Variants in CERS3 observed in about 807,000 individuals in gnomAD.
CERS3 encodes the protein ceramide synthase 3.
Under a neutral mutation model 50.3 loss-of-function variants are expected in CERS3, and 33 were observed. The observed-to-expected ratio is 0.66, with a 90% CI of 0.50 to 0.88. The LOEUF (loss-of-function observed/expected upper bound fraction) is 0.88, where lower values mean the gene tolerates loss of function less well. CERS3 is among the 40% of genes least tolerant of loss of function. The probability of loss-of-function intolerance (pLI) is 0.00; values close to 1 mark genes in which losing one functional copy is unlikely to be tolerated. For synonymous variants in CERS3, 176 were observed against 155.2 expected (o/e 1.13, Z -0.99); for missense variants, 470 against 460.3 (o/e 1.02, Z -0.19).
intron 11 of CERS3, among the ~76,000 whole-genome samples, chr15:100,425,726 G>C (rs1252182169): frequency 6.6e-6 from 1 of 152,092 alleles, no homozygotes; most frequent in East Asian, 1.9e-4. Flanking sequence ...TTTTGAGATG[G>C]GATAATTGTA....
chr15:100,479,887 C>G, intron 6 of CERS3, 102 bp downstream of exon 6: 1 of 814,928 alleles, frequency 1.2e-6, no homozygotes, highest in East Asian at 2.6e-5. Context: ...ATCTCTAAAA[C>G]TGGTTATCTT....
chr15:100,486,313 T>C (rs1159174736), intron 4 of CERS3, among the ~76,000 whole-genome samples: 4 of 152,148 alleles, frequency 2.6e-5, no homozygotes, highest in African/African-American at 9.7e-5. Context: ...TCGGATATGG[T>C]AGGAAGGGCA....
chr15:100,455,789 G>T (rs1468603796), intron 11 of CERS3, 104 bp downstream of exon 11: 3 of 787,472 alleles, frequency 3.8e-6, no homozygotes, highest in Non-Finnish European at 5.4e-6. Context: ...CAAGAAAAAA[G>T]AATTCTGGTT....
At chr15:100,499,730 C>T (rs994780517) in intron 3 of CERS3, among the ~76,000 whole-genome samples, 8 of 152,160 alleles carry the variant, frequency 5.3e-5, no homozygotes, top group African/African-American at 1.9e-4. Flanking sequence ...ATAGTTCAGA[C>T]ATTTTTATGT....
chr15:100,490,862 A>G lies in CERS3; in HGVS notation c.243T>C (p.Thr81=), dbSNP rs2035628859. Residue 81 remains threonine, a synonymous_variant, in exon 4 of 12, where the codon ACT becomes ACC. Coordinates refer to ENST00000679737, the MANE Select transcript of CERS3 (RefSeq NM_001378789.1). Reference sequence around the variant, plus strand: ...AATGTTTGAAAAAATTCTCTAAGACAGTATTTGGTGTAACCTTTCGAACTG... The same window carrying G: ...AATGTTTGAAAAAATTCTCTAAGACGGTATTTGGTGTAACCTTTCGAACTG... The part of the protein sequence containing the change: ...KETVRKVTPN[T]VLENFFKHST... The G allele has an allele frequency of 2.5e-6, 4 of 1,612,860 alleles. No homozygotes were observed. Among genetic ancestry groups the G allele is most frequent in the Non-Finnish European group, 3.4e-6 (4 of 1,179,282 alleles).
intron 11 of CERS3, among the ~76,000 whole-genome samples, chr15:100,453,245 T>A (rs73472021): frequency 0.036 from 5,473 of 151,922 alleles, 349 homozygotes; most frequent in African/African-American, 0.12. Flanking sequence ...GATACAAAAA[T>A]TCTCAACAAA....
In CERS3 at chr15:100,477,391, G is replaced by A. The variant is rs181469489; in HGVS notation, c.517-1213C>T. On this transcript the variant is annotated intron_variant, in intron 7 of 11. Transcript: ENST00000679737. ...TAAGGCCATAAAAGAGTGAGACAGA[G>A]TTTCTGCTTTCTTCTATGACAGGAC... Among the ~76,000 whole-genome samples, 3 of 152,136 alleles carry A rather than the reference G, an allele frequency of 2.0e-5. No individual in the cohort carries two copies. In the East Asian group the frequency reaches 5.8e-4, roughly 29 times the overall value.
At chr15:100,504,239 CTTTTTT>C (rs55640205) in intron 2 of CERS3, among the ~76,000 whole-genome samples, 1 of 109,974 alleles carries the variant, frequency 9.1e-6, no homozygotes, top group African/African-American at 3.5e-5. Context: ...TTGGACTATT[CTTTTTT>C]TTTTTTTTTT....
intron 7 of CERS3, among the ~76,000 whole-genome samples, chr15:100,477,461 A>T (rs113962978): frequency 1.6e-5 from 2 of 125,242 alleles, no homozygotes; most frequent in Admixed American, 7.6e-5. Context: ...AAAAATCTGG[A>T]TAAAGGACAA....
chr15:100,444,422 G>A (rs1433554081), intron 11 of CERS3, among the ~76,000 whole-genome samples: 6 of 151,846 alleles, frequency 4.0e-5, no homozygotes, highest in South Asian at 2.1e-4. Flanking sequence ...TCCACCTGAC[G>A]TTCACCCCAT....
At chr15:100,428,699 TG>T (rs1337649238) in intron 11 of CERS3, among the ~76,000 whole-genome samples, 1 of 152,254 alleles carries the variant, frequency 6.6e-6, no homozygotes, top group Non-Finnish European at 1.5e-5. Flanking sequence ...GGAGATATAA[TG>T]GTCTGTTCTC....
intron 11 of CERS3, 103 bp from the exon 12 acceptor site, chr15:100,402,968 C>T: frequency 8.6e-7 from 1 of 1,157,616 alleles, no homozygotes; most frequent in Non-Finnish European, 1.2e-6. Flanking sequence ...TTAAGGAAAA[C>T]CCAATATCCA....
chr15:100,445,220 C>A (rs1232238181), intron 11 of CERS3, among the ~76,000 whole-genome samples: 1 of 140,638 alleles, frequency 7.1e-6, no homozygotes, highest in Non-Finnish European at 1.5e-5. Context: ...TTGGACTGTG[C>A]CCCAAAAAAC....
At chr15:100,466,761 C>T (rs1465345488) in intron 10 of CERS3, among the ~76,000 whole-genome samples, 1 of 21,482 alleles carries the variant, frequency 4.7e-5, no homozygotes, top group African/African-American at 9.8e-5. Context: ...TCCTTCCTTC[C>T]TTCCTTCCTT....
chr15:100,452,106 T>C (rs988089282), intron 11 of CERS3, among the ~76,000 whole-genome samples: 31 of 150,686 alleles, frequency 2.1e-4, no homozygotes, highest in African/African-American at 7.5e-4. Context: ...GGATTTAAAC[T>C]GCACTTTATG....
chr15:100,511,006 G>T (rs749964710), intron 2 of CERS3, among the ~76,000 whole-genome samples: 2 of 152,186 alleles, frequency 1.3e-5, no homozygotes, highest in Non-Finnish European at 2.9e-5. Flanking sequence ...ATACCATTAA[G>T]GTCGGGCACG....
intron 5 of CERS3, among the ~76,000 whole-genome samples, chr15:100,484,258 G>A (rs1315496510): frequency 6.6e-6 from 1 of 152,184 alleles, no homozygotes; most frequent in East Asian, 1.9e-4. Context: ...TGGGTTTCAG[G>A]CTGAGTACAT....
At chr15:100,460,771 T>C (rs950332968) in intron 10 of CERS3, among the ~76,000 whole-genome samples, 1 of 152,208 alleles carries the variant, frequency 6.6e-6, no homozygotes, top group Admixed American at 6.5e-5. Flanking sequence ...AATTTGTCAG[T>C]GTTATTATTG....
intron 5 of CERS3, among the ~76,000 whole-genome samples, chr15:100,482,917 G>T (rs1183022727): frequency 6.6e-6 from 1 of 152,126 alleles, no homozygotes; most frequent in African/African-American, 2.4e-5. Flanking sequence ...CATGGCACTA[G>T]GTTTAGTCTG....
Sources: allele counts gnomAD v4.1 joint callset (sites outside exome capture counted in the v4.1 genomes callset), GRCh38; gene constraint gnomAD v4.1.1; transcripts MANE v1.5; gene names NCBI Gene and HGNC (gene_info 2026-07-23, HGNC 2026-07-21).